Variants in DDX60L observed in about 807,000 individuals in gnomAD.
DDX60L encodes the protein DExD/H-box 60 like, also known as probable ATP-dependent RNA helicase DDX60-like.
Under a neutral mutation model 211.6 loss-of-function variants are expected in DDX60L, and 191 were observed. The observed-to-expected ratio is 0.90, with a 90% CI of 0.80 to 1.02. The LOEUF (loss-of-function observed/expected upper bound fraction) is 1.02. DDX60L is among the 50% of genes least tolerant of loss of function. The pLI is 0.00. For missense variants in DDX60L, 2,007 were observed against 1,984.1 expected, an observed-to-expected ratio of 1.01 and a Z score of -0.22; for synonymous variants, 706 against 694.1, an observed-to-expected ratio of 1.02 and a Z score of -0.27.
Position 168,361,171 on chromosome 4 carries a change from C to CA in DDX60L, c.4968dup (p.Ala1657CysfsTer9). The CA allele has an allele frequency of 6.2e-7, 1 of 1,608,442 alleles. No homozygotes were observed. On this transcript the variant is annotated frameshift_variant, in exon 37 of 38. Transcript: ENST00000682922. LOFTEE classifies it low-confidence loss of function (END_TRUNC). ...TACCTGATAGCCTGAATGTTGAATG[C>CA]AAAATCTTTCAAACACTTTAAAAGC...
At position 168,421,824 on chromosome 4, in the gene DDX60L, T is replaced by C; in HGVS notation, c.2330A>G (p.Tyr777Cys). The change falls in exon 17 of 38, where the codon TAC (tyrosine) becomes TGC (cysteine). Residue 777 changes from tyrosine (Y) to cysteine (C), a missense_variant. Transcript: ENST00000682922. ...TSSGKTYASY[Y>C]CMEKVLRESD... ...CTCCCTCAGCACTTTCTCCATGCAGTAGTAGGAAGCATAGGTTTTGCCTGA... is the reference window on the plus strand; with the variant it reads ...CTCCCTCAGCACTTTCTCCATGCAGCAGTAGGAAGCATAGGTTTTGCCTGA... 1 of 1,614,180 alleles carries C rather than the reference T, an allele frequency of 6.2e-7. No individual in the cohort carries two copies. Among genetic ancestry groups the C allele is most frequent in the Non-Finnish European group, 8.5e-7 (1 of 1,180,032 alleles).
chr4:168,472,648 A>C, intron 2 of DDX60L, 48 bp downstream of exon 2: 1 of 1,607,720 alleles, frequency 6.2e-7, no homozygotes. Flanking sequence ...TGAATATCTT[A>C]CAAGATTGTT....
chr4:168,365,507 A>C (rs2149605088), intron 36 of DDX60L, among the ~76,000 whole-genome samples: 1 of 152,014 alleles, frequency 6.6e-6, no homozygotes, highest in South Asian at 2.1e-4. Context: ...TAATGAGAGA[A>C]GAAATTGAAC....
At chr4:168,408,521 A>G (rs940113511) in intron 22 of DDX60L, among the ~76,000 whole-genome samples, 6 of 152,230 alleles carry the variant, frequency 3.9e-5, no homozygotes, top group Non-Finnish European at 1.5e-5. Context: ...AATTATATAG[A>G]AAGACAATAT....
rs750042433 is a variant in DDX60L, at chr4:168,379,519, CA to C, written c.4222-16del. On this transcript the variant is annotated splice_polypyrimidine_tract_variant and intron_variant, in intron 31 of 37. Coordinates refer to ENST00000682922, the MANE Select transcript of DDX60L (RefSeq NM_001012967.3). ...TTTAAATAGTCCTAAAAATGAGAAA[CA>C]AAAAGTTGATTTAACTTGTCATGTA... The C allele has an allele frequency of 1.3e-6, 2 of 1,529,606 alleles. No homozygotes were observed. Among genetic ancestry groups the C allele is most frequent in the South Asian group, 1.3e-5 (1 of 78,266 alleles). 94.8% of individuals were successfully genotyped at this position (1,529,606 alleles called of 1,614,324 possible).
At chr4:168,390,194 G>A (rs1361345382) in intron 29 of DDX60L, 4 of 1,011,056 alleles carry the variant, frequency 4.0e-6, no homozygotes, top group Admixed American at 5.9e-5. Context: ...GTGGTCCATA[G>A]TAAATAAATG....
At chr4:168,383,359 A>G (rs12650404) in intron 30 of DDX60L, among the ~76,000 whole-genome samples, 15,096 of 152,250 alleles carry the variant, frequency 0.099, 1,094 homozygotes, top group Admixed American at 0.14. Flanking sequence ...AAGGTTGAAG[A>G]CAGCTGTCTG....
At chr4:168,413,887 T>C (rs1236006493) in intron 22 of DDX60L, among the ~76,000 whole-genome samples, 1 of 151,942 alleles carries the variant, frequency 6.6e-6, no homozygotes, top group African/African-American at 2.4e-5. Context: ...CAAGAAGATA[T>C]AGAACACCAA....
At position 168,358,163 on chromosome 4, in the gene DDX60L, T is replaced by C. The variant is rs1298136784; in HGVS notation, c.5105A>G (p.Gln1702Arg). ...KLQEMQIQMS[Q>R]NHLE is the part of the protein sequence containing the mutation. ...TCCATGGTGTTATTCTAAATGATTT[T>C]GACTCATTTGAATTTGCATTTCTTG... The change falls in exon 38 of 38, where the codon CAA becomes CGA. Residue 1702 changes from glutamine (Q) to arginine (R), a missense_variant. By Grantham distance (43) the Gln-to-Arg change is conservative. Coordinates refer to ENST00000682922, the MANE Select transcript of DDX60L (RefSeq NM_001012967.3). The C allele has an allele frequency of 6.2e-7, 1 of 1,609,074 alleles. No individual in the cohort carries two copies. The highest frequency in any genetic ancestry group is 2.2e-5 in the East Asian group (1 of 44,674).
chr4:168,471,406 A>G (rs144808153), intron 4 of DDX60L: 81 of 171,406 alleles, frequency 4.7e-4, no homozygotes, highest in Middle Eastern at 2.6e-3. Flanking sequence ...AACTTAAAGA[A>G]TGGGCTTGCT....
At chr4:168,404,293 T>C (rs903358910) in intron 24 of DDX60L, among the ~76,000 whole-genome samples, 187 bp from the exon 25 acceptor site, 1 of 151,906 alleles carries the variant, frequency 6.6e-6, no homozygotes, top group African/African-American at 2.4e-5. Flanking sequence ...GACATCTCTA[T>C]ACTAAAGAAT....
At position 168,452,487 on chromosome 4, in the gene DDX60L, G is replaced by A. The variant is rs1755935621; in HGVS notation, c.996+637C>T. 2.6e-5 allele frequency among the ~76,000 whole-genome samples: 4 copies of A among 152,276 alleles called. No individual in the cohort carries two copies. The South Asian group carries it at 8.3e-4, about 32-fold the overall frequency. ...ATGGGTACCCCATTCTCCATGATGT[G>A]ATTATTAGGCATTGCATGCCTGTAT... On this transcript the variant is annotated intron_variant, in intron 8 of 37. Transcript: ENST00000682922.
At chr4:168,449,652 C>A (rs908140585) in intron 8 of DDX60L, among the ~76,000 whole-genome samples, 269 of 7,804 alleles carry the variant, frequency 0.034, no homozygotes, top group Middle Eastern at 0.17. Context: ...AAAAAAAATG[C>A]AAAAAAAAAA....
In DDX60L at chr4:168,441,398, C is replaced by G. The variant is rs1373994990; in HGVS notation, c.1233G>C (p.Lys411Asn). The change falls in exon 10 of 38, where the codon AAG becomes AAC. Residue 411 changes from lysine to asparagine, a missense_variant. Transcript: ENST00000682922. ...TTCTTGTTGTTCTCAGAGGAAAAGA[C>G]TTTCCAACGTTAAATTCTTTAACCA... Reference protein sequence around the residue: ...SHLVKEFNVGKSFPLRTTRRH... With the variant: ...SHLVKEFNVGNSFPLRTTRRH... 1.2e-6 allele frequency: 2 copies of G among 1,613,018 alleles called. No individual in the cohort carries two copies. The highest frequency in any genetic ancestry group is 2.2e-5 in the East Asian group (1 of 44,798).
In DDX60L at chr4:168,433,117, T is replaced by C. The variant is rs780428187; in HGVS notation, c.1295-2A>G. On this transcript the variant is annotated splice_acceptor_variant, in intron 10 of 37. Transcript: ENST00000682922. LOFTEE classifies it high-confidence loss of function. ...TAGGCATCTTTTCCAAGGAGATTTC[T>C]GAAAACAAATATAAATTTAAGATGA... 1 of 1,582,728 alleles carries C rather than the reference T, an allele frequency of 6.3e-7. No homozygotes were observed. Among genetic ancestry groups the C allele is most frequent in the Non-Finnish European group, 8.6e-7 (1 of 1,157,224 alleles).
chr4:168,460,924 T>C (rs896468507), intron 5 of DDX60L, among the ~76,000 whole-genome samples: 1 of 152,160 alleles, frequency 6.6e-6, no homozygotes, highest in Admixed American at 6.5e-5. Flanking sequence ...CAGTTTATTA[T>C]GAAGGATTCA....
intron 30 of DDX60L, among the ~76,000 whole-genome samples, chr4:168,383,598 A>G (rs1327594452): frequency 2.6e-5 from 4 of 152,210 alleles, no homozygotes; most frequent in African/African-American, 7.2e-5. Flanking sequence ...ACTTCATGTC[A>G]GTTAGCCTAG....
intron 4 of DDX60L, chr4:168,470,609 G>C (rs970047244): frequency 6.5e-6 from 1 of 152,738 alleles, no homozygotes; most frequent in Non-Finnish European, 1.5e-5. Context: ...GGAGACCAAG[G>C]CGGGTGGATT....
chr4:168,387,351 G>A (rs1285425749), intron 29 of DDX60L, among the ~76,000 whole-genome samples: 1 of 152,208 alleles, frequency 6.6e-6, no homozygotes, highest in Non-Finnish European at 1.5e-5. Flanking sequence ...TCGGAGCTTG[G>A]AAACCACTCA....
Sources: allele counts gnomAD v4.1 joint callset (sites outside exome capture counted in the v4.1 genomes callset), GRCh38; gene constraint gnomAD v4.1.1; transcripts MANE v1.5; gene names NCBI Gene and HGNC (gene_info 2026-07-23, HGNC 2026-07-21).